Variants in PRAMEF4 observed in about 807,000 individuals in gnomAD.
The protein encoded by PRAMEF4 is PRAME family member 4.
PRAMEF4 carries 18 observed loss-of-function variants against 34.4 expected under a neutral mutation model. The observed-to-expected ratio is 0.52, with a 90% confidence interval of 0.36 to 0.78. The LOEUF is 0.78. Among genes scored for constraint, PRAMEF4 ranks in the 30% least tolerant of loss-of-function variants. The probability of loss-of-function intolerance (pLI) is 0.00; values close to 1 mark genes in which losing one functional copy is unlikely to be tolerated. For missense variants in PRAMEF4, 482 were observed against 569.1 expected, an observed-to-expected ratio of 0.85 and a Z score of 1.56; for synonymous variants, 156 against 219.3, an observed-to-expected ratio of 0.71 and a Z score of 2.55.
At position 12,880,059 on chromosome 1, in the gene PRAMEF4, G is replaced by A. The variant is rs1223505116; in HGVS notation, c.922C>T (p.Leu308Phe). Residue 308 changes from leucine to phenylalanine, a missense_variant, in exon 4 of 4, where the codon CTT (leucine) becomes TTT (phenylalanine). Leu to Phe is a conservative substitution (Grantham distance 22, BLOSUM62 0). Transcript: ENST00000235349. ...AGATGCTTCAAGTCTGATTCCAAAA[G>A]CACACAGTTAGTTATTGTGAGGAAC... ...LKFLTITNCVLLESDLKHLSQ... is the reference protein window; with the variant it reads ...LKFLTITNCVFLESDLKHLSQ... 9 of 1,548,380 alleles carry A rather than the reference G, an allele frequency of 5.8e-6. 1 individual carries two copies. Among genetic ancestry groups the A allele is most frequent in the Non-Finnish European group, 8.0e-6 (9 of 1,129,784 alleles).
At chr1:12,884,265 T>C (rs201122010) in intron 1 of PRAMEF4, among the ~76,000 whole-genome samples, 1 of 148,660 alleles carries the variant, frequency 6.7e-6, no homozygotes, top group Non-Finnish European at 1.5e-5. Context: ...AATCTACCCC[T>C]CTTGGCCTCC....
rs1198567760 is a variant in PRAMEF4, at chr1:12,882,399, G to C, written c.330C>G (p.Val110=). 1.9e-6 allele frequency: 3 copies of C among 1,588,584 alleles called. No homozygotes were observed. In the African/African-American group the frequency reaches 4.2e-5, roughly 22 times the overall value. The change falls in exon 3 of 4, where the codon GTC becomes GTG. Residue 110 remains valine (V), a synonymous_variant. Transcript: ENST00000235349. The part of the protein sequence containing the change: ...WKLQVLDLQD[V]CENFWMVWSE... ...ACCAAACCATCCAGAAGTTCTCACA[G>C]ACATCCTGTAAATCCAGCACTTGAA...
In PRAMEF4 at chr1:12,879,919, A is replaced by G. The variant is rs1640855873; in HGVS notation, c.1062T>C (p.Leu354=). ...CACAGTCATCTAAATCCAGGTACTC[A>G]AGGGTGGCTGCAACTTTTTCTAGGA... ...QILLEKVAAT[L]EYLDLDDCGI... Residue 354 remains leucine, a synonymous_variant, in exon 4 of 4, where the codon CTT becomes CTC. Coordinates refer to ENST00000235349, the MANE Select transcript of PRAMEF4 (RefSeq NM_001009611.4). 2 of 1,605,152 alleles carry G rather than the reference A, an allele frequency of 1.2e-6. No individual in the cohort carries two copies. The highest frequency in any genetic ancestry group is 2.7e-5 in the African/African-American group (2 of 73,460).
rs1245006499 is a variant in PRAMEF4 at position 12,882,720 on chromosome 1, A to G, written c.294-285T>C. 1.0e-4 allele frequency among the ~76,000 whole-genome samples: 15 copies of G among 147,962 alleles called. 1 individual carries two copies. Among genetic ancestry groups the G allele is most frequent in the Admixed American group, 1.4e-4 (2 of 14,282 alleles). The stretch of plus-strand genomic sequence containing the variant: ...ATTCTCCTGCCTCAACCTCACAAGT[A>G]GCTGGGATTACAGGAGCCCACCACC... On this transcript the variant is annotated intron_variant, in intron 2 of 3. Transcript: ENST00000235349.
intron 3 of PRAMEF4, among the ~76,000 whole-genome samples, chr1:12,880,390 A>C (rs1316925283): frequency 1.3e-5 from 2 of 150,558 alleles, no homozygotes; most frequent in African/African-American, 4.9e-5. Context: ...AGCCTGCTGA[A>C]CATGGCAAAA....
rs3116874 is a variant in PRAMEF4, at chr1:12,883,350, T to C, written c.45A>G (p.Ala15=). ...CTTGGTCCCTTAGCAGGCTCCGCCC[T>C]GCAAGCTCCAGGAGTCTGGGTGGAG... ...IWTPPRLLEL[A]GRSLLRDQAL... The change falls in exon 2 of 4, where the codon GCA becomes GCG. Residue 15 remains alanine, a synonymous_variant. Coordinates refer to ENST00000235349, the MANE Select transcript of PRAMEF4 (RefSeq NM_001009611.4). 1.4e-3 allele frequency: 2,271 copies of C among 1,594,276 alleles called. 187 individuals are homozygous for C. In the African/African-American group the frequency reaches 0.027, roughly 19 times the overall value.
Position 12,882,033 on chromosome 1 carries a change from G to A in PRAMEF4, c.696C>T (p.His232=). Residue 232 remains histidine (H), a synonymous_variant, in exon 3 of 4, where the codon CAC becomes CAT. Coordinates refer to ENST00000235349, the MANE Select transcript of PRAMEF4 (RefSeq NM_001009611.4). ...GAATGAGTTTCTGAAGATTCCTCATGTGGCCCAGGTATGGGGTAAACTGTG... is the reference window on the plus strand; with the variant it reads ...GAATGAGTTTCTGAAGATTCCTCATATGGCCCAGGTATGGGGTAAACTGTG... The part of the protein sequence containing the change: ...ILTQFTPYLG[H]MRNLQKLILS... 2 of 1,590,750 alleles carry A rather than the reference G, an allele frequency of 1.3e-6. No individual in the cohort carries two copies. Among genetic ancestry groups the A allele is most frequent in the Non-Finnish European group, 1.7e-6 (2 of 1,173,424 alleles).
intron 3 of PRAMEF4, among the ~76,000 whole-genome samples, chr1:12,881,459 A>C (rs1427051423): frequency 6.7e-6 from 1 of 149,304 alleles, no homozygotes; most frequent in Non-Finnish European, 1.5e-5. Flanking sequence ...TTAAACTCCT[A>C]GGCTCAAGCT....
chr1:12,885,790 TC>T (rs1167641593), intron 1 of PRAMEF4, among the ~76,000 whole-genome samples: 1 of 144,980 alleles, frequency 6.9e-6, no homozygotes, highest in East Asian at 2.0e-4. Context: ...ATCCCCACCC[TC>T]AAAAAAAAAA....
At position 12,880,223 on chromosome 1, in the gene PRAMEF4, G is replaced by A. The variant is rs990828508; in HGVS notation, c.876-118C>T. On this transcript the variant is annotated intron_variant, in intron 3 of 3. Transcript: ENST00000235349. ...TTTTGCCCAAGTCCAGGGTCATTCT[G>A]ATGGCCTGATGGTCAACACTTAGGA... The A allele has an allele frequency of 5.4e-6, 8 of 1,479,842 alleles. 1 individual carries two copies. The Admixed American group carries it at 1.5e-4, about 27-fold the overall frequency. The allele number at this position is 1,479,842 out of a possible 1,614,324, so 91.7% of individuals were successfully genotyped here.
rs1224901925 is a variant in PRAMEF4, at chr1:12,883,313, A to T, written c.82T>A (p.Ser28Thr). Residue 28 changes from serine to threonine, a missense_variant, in exon 2 of 4, where the codon TCC becomes ACC. By Grantham distance (58) the Ser-to-Thr change is moderately conservative. This residue lies in a region of PRAMEF4 where 172 missense variants were observed against 130.2 expected (regional missense o/e 1.32). Coordinates refer to ENST00000235349, the MANE Select transcript of PRAMEF4 (RefSeq NM_001009611.4). ...SLLRDQALAM[S>T]TLEELPTELF... is the part of the protein sequence containing the mutation. ...TCTGTGGGCAGCTCCTCCAGGGTGG[A>T]CATGGCCAAAGCTTGGTCCCTTAGC... 6.2e-7 allele frequency: 1 copy of T among 1,600,014 alleles called. No individual in the cohort carries two copies.
chr1:12,881,154 T>G (rs1412259041), intron 3 of PRAMEF4, among the ~76,000 whole-genome samples: 1 of 148,056 alleles, frequency 6.8e-6, no homozygotes, highest in Non-Finnish European at 1.5e-5. Context: ...TCACCTGAAG[T>G]CAGGAGTTGG....
chr1:12,883,040 C>T lies in PRAMEF4; in HGVS notation c.293+62G>A, dbSNP rs549754710. The T allele has an allele frequency of 2.7e-5, 42 of 1,583,854 alleles. 2 individuals carry two copies. The highest frequency in any genetic ancestry group is 2.3e-4 in the Middle Eastern group (1 of 4,414). On this transcript the variant is annotated intron_variant, in intron 2 of 3. Coordinates refer to ENST00000235349, the MANE Select transcript of PRAMEF4 (RefSeq NM_001009611.4). ...CCTTGGGCCTCCTCACTTCTCACGA[C>T]CCAGCTGTTCCTTCAGTTGGACACC... is the stretch of plus-strand genomic sequence containing the variant.
At chr1:12,884,675 A>C (rs1640960840) in intron 1 of PRAMEF4, among the ~76,000 whole-genome samples, 1 of 147,186 alleles carries the variant, frequency 6.8e-6, no homozygotes, top group African/African-American at 2.5e-5. Flanking sequence ...ACATTATACC[A>C]CTCCACTCCA....
chr1:12,881,098 G>A (rs1238052957), intron 3 of PRAMEF4, among the ~76,000 whole-genome samples: 2 of 148,184 alleles, frequency 1.3e-5, no homozygotes, highest in Non-Finnish European at 3.0e-5. Flanking sequence ...GGGCGTGGTA[G>A]CTCTCGCCTA....
At chr1:12,883,721 A>G (rs1640939699) in intron 1 of PRAMEF4, among the ~76,000 whole-genome samples, 1 of 147,252 alleles carries the variant, frequency 6.8e-6, no homozygotes, top group Non-Finnish European at 1.5e-5. Flanking sequence ...GAAACTACTA[A>G]TTACTCAAGG....
intron 1 of PRAMEF4, among the ~76,000 whole-genome samples, chr1:12,884,639 C>T (rs1027278073): frequency 6.8e-6 from 1 of 147,608 alleles, no homozygotes; most frequent in Non-Finnish European, 1.5e-5. Flanking sequence ...CACTTGAACC[C>T]AGGAGGCAGA....
In PRAMEF4 at chr1:12,880,023, G is replaced by C. The variant is rs1370415850; in HGVS notation, c.958C>G (p.Pro320Ala). 6.3e-7 allele frequency: 1 copy of C among 1,594,724 alleles called. No homozygotes were observed. The highest frequency in any genetic ancestry group is 8.6e-7 in the Non-Finnish European group (1 of 1,168,228). ...AGGGTCTTTAGTTGACTGATACTCGGGCACTGGGATAGATGCTTCAAGTCT... is the reference window on the plus strand; with the variant it reads ...AGGGTCTTTAGTTGACTGATACTCGCGCACTGGGATAGATGCTTCAAGTCT... ...ESDLKHLSQC[P>A]SISQLKTLDL... Residue 320 changes from proline (P) to alanine (A), a missense_variant, in exon 4 of 4, where the codon CCG becomes GCG. Pro to Ala is a conservative substitution (Grantham distance 27). This residue lies in a region of PRAMEF4 where 35 missense variants were observed against 109.2 expected (regional missense o/e 0.32). Coordinates refer to ENST00000235349, the MANE Select transcript of PRAMEF4 (RefSeq NM_001009611.4).
rs144631322 is a variant in PRAMEF4, at chr1:12,882,939, T to G, written c.293+163A>C. The stretch of plus-strand genomic sequence containing the variant: ...AGGTTCCTGTTACCTCCATGGACCT[T>G]GCGTGGTGAGCAGTGCTTTCCCTGA... On this transcript the variant is annotated intron_variant, in intron 2 of 3. Transcript: ENST00000235349. Among the ~76,000 whole-genome samples, 396 of 146,620 alleles carry G rather than the reference T, an allele frequency of 2.7e-3. 24 individuals are homozygous for G. Among genetic ancestry groups the G allele is most frequent in the African/African-American group, 9.9e-3 (382 of 38,708 alleles).
Sources: allele counts gnomAD v4.1 joint callset (sites outside exome capture counted in the v4.1 genomes callset), GRCh38; gene constraint gnomAD v4.1.1; regional missense constraint gnomAD v4.1.1; transcripts MANE v1.5; gene names NCBI Gene and HGNC (gene_info 2026-07-23, HGNC 2026-07-21).